Variants in FBP2 observed in about 807,000 individuals in gnomAD.
FBP2 encodes the protein fructose-bisphosphatase 2.
Under a neutral mutation model 31.6 loss-of-function variants are expected in FBP2, and 27 were observed. The observed-to-expected ratio is 0.85, with a 90% CI of 0.63 to 1.18. FBP2 has a LOEUF of 1.18. Among genes scored for constraint, FBP2 ranks in the 50% most tolerant of loss-of-function variants. The pLI, the probability that FBP2 is intolerant of heterozygous loss-of-function variation, is 0.00. For missense variants in FBP2, 421 were observed against 436.1 expected, an observed-to-expected ratio of 0.97 and a Z score of 0.31; for synonymous variants, 168 against 179.8, an observed-to-expected ratio of 0.93 and a Z score of 0.53.
chr9:94,567,135 CCAT>C (rs1827201022), intron 5 of FBP2, 132 bp downstream of exon 5: 11 of 705,108 alleles, frequency 1.6e-5, no homozygotes, highest in South Asian at 1.3e-4. Flanking sequence ...AAGGCAGAGT[CCAT>C]CATCTTCATA....
chr9:94,558,762 A>G lies in FBP2; in HGVS notation c.*176T>C, dbSNP rs1387490611. 12 of 615,756 alleles carry G rather than the reference A, an allele frequency of 1.9e-5. No individual in the cohort carries two copies. Among genetic ancestry groups the G allele is most frequent in the Non-Finnish European group, 3.4e-5 (12 of 351,422 alleles). 38.1% of individuals were successfully genotyped at this position (615,756 alleles called of 1,614,324 possible). On this transcript the variant is annotated 3_prime_UTR_variant, in exon 7 of 7. Transcript: ENST00000375337. ...TTATTTCTAGTCCTTCACATTGACC[A>G]TAGAATCGCCTGTGGCTTCCAAACC...
At chr9:94,590,791 G>A (rs1827489338) in intron 1 of FBP2, among the ~76,000 whole-genome samples, 1 of 152,252 alleles carries the variant, frequency 6.6e-6, no homozygotes, top group Non-Finnish European at 1.5e-5. Context: ...CCCACATCCT[G>A]CTGATTGGTA....
In FBP2 at chr9:94,565,785, TAGATGATA is replaced by T. The variant is rs761469740; in HGVS notation, c.705+1477_705+1484del. On this transcript the variant is annotated intron_variant, in intron 5 of 6. Transcript: ENST00000375337. Reference sequence around the variant, plus strand: ...GATACATAGATGATAGATAGATAGATAGATGATAGATAGGTGAGAGTGAGGGAGGGAGC... The same window carrying T: ...GATACATAGATGATAGATAGATAGATGATAGGTGAGAGTGAGGGAGGGAGC... 5.3e-3 allele frequency among the ~76,000 whole-genome samples: 768 copies of T among 146,154 alleles called. 3 individuals carry two copies. Among genetic ancestry groups the T allele is most frequent in the Non-Finnish European group, 8.1e-3 (545 of 67,216 alleles).
chr9:94,561,246 T>A (rs531138115), intron 6 of FBP2, among the ~76,000 whole-genome samples: 11 of 152,196 alleles, frequency 7.2e-5, no homozygotes, highest in African/African-American at 2.6e-4. Context: ...TGGAGCCAAG[T>A]TACTTTTGTT....
intron 4 of FBP2, chr9:94,570,240 G>A (rs571891412): frequency 6.6e-6 from 1 of 152,296 alleles, no homozygotes; most frequent in East Asian, 1.9e-4. Context: ...CTTTAGAACT[G>A]CTCAGAATGT....
intron 3 of FBP2, chr9:94,577,382 A>G (rs1054769869): frequency 6.6e-6 from 1 of 152,210 alleles, no homozygotes; most frequent in Non-Finnish European, 1.5e-5. Context: ...GACTGGTTAC[A>G]TATTCTGGCC....
chr9:94,572,121 C>CT, intron 3 of FBP2, among the ~76,000 whole-genome samples: 1 of 152,306 alleles, frequency 6.6e-6, no homozygotes, highest in South Asian at 2.1e-4. Flanking sequence ...GCCTTTCTCT[C>CT]TGACTCTGTG....
intron 1 of FBP2, among the ~76,000 whole-genome samples, chr9:94,588,599 G>A (rs369063695): frequency 2.6e-5 from 4 of 152,172 alleles, no homozygotes; most frequent in African/African-American, 9.7e-5. Flanking sequence ...ACTGCAGCCT[G>A]AGCGATGGAG....
At position 94,567,342 on chromosome 9, in the gene FBP2, G is replaced by T; in HGVS notation, c.633C>A (p.Ser211Arg). Residue 211 changes from serine to arginine, a missense_variant, in exon 5 of 7, where the codon AGC becomes AGA. By Grantham distance (110) the Ser-to-Arg change is moderately radical. Transcript: ENST00000375337. ...VKIKKKGKIYSLNEGYAKYFD... is the reference protein window; with the variant it reads ...VKIKKKGKIYRLNEGYAKYFD... ...AATACTTGGCATAGCCCTCATTCAG[G>T]CTGTAAATCTTTCCTTTCTTCTTAA... The T allele has an allele frequency of 1.2e-6, 2 of 1,614,140 alleles. No homozygotes were observed. Among genetic ancestry groups the T allele is most frequent in the Non-Finnish European group, 1.7e-6 (2 of 1,179,978 alleles).
At position 94,579,071 on chromosome 9, in the gene FBP2, G is replaced by GAAAAAAAAAAAAT. The variant is rs1564185245; in HGVS notation, c.426+5505_426+5506insATTTTTTTTTTTT. Among the ~76,000 whole-genome samples, 3 of 87,196 alleles carry GAAAAAAAAAAAAT rather than the reference G, an allele frequency of 3.4e-5. 1 individual carries two copies. The highest frequency in any genetic ancestry group is 1.5e-4 in the African/African-American group (3 of 20,420). The allele number at this position is 87,196 out of a possible 152,430, so 57.2% of individuals were successfully genotyped here. On this transcript the variant is annotated intron_variant, in intron 3 of 6. Transcript: ENST00000375337. Reference sequence around the variant, plus strand: ...CTGTCAAAAAAAAAAAAAAAAAAAGGTTATTTTAAAAGAGAGAATAATTTT... The same window carrying GAAAAAAAAAAAAT: ...CTGTCAAAAAAAAAAAAAAAAAAAGGAAAAAAAAAAAATTTATTTTAAAAGAGAGAATAATTTT...
At chr9:94,591,862 A>G (rs1827507369) in intron 1 of FBP2, among the ~76,000 whole-genome samples, 1 of 152,174 alleles carries the variant, frequency 6.6e-6, no homozygotes, top group African/African-American at 2.4e-5. Flanking sequence ...ACGGTAGGAA[A>G]TGCCAAATTA....
intron 1 of FBP2, among the ~76,000 whole-genome samples, chr9:94,591,441 CG>C (rs1365978036): frequency 6.6e-6 from 1 of 152,212 alleles, no homozygotes; most frequent in African/African-American, 2.4e-5. Context: ...GCTCGGAGTG[CG>C]GGCCCGCCAA....
intron 2 of FBP2, among the ~76,000 whole-genome samples, chr9:94,586,204 G>A (rs996753370): frequency 2.0e-5 from 3 of 152,010 alleles, no homozygotes; most frequent in African/African-American, 4.8e-5. Flanking sequence ...GCGAAACCCC[G>A]TCTCTACTAA....
At chr9:94,563,853 A>C (rs1241917889) in intron 5 of FBP2, among the ~76,000 whole-genome samples, 1 of 152,256 alleles carries the variant, frequency 6.6e-6, no homozygotes, top group East Asian at 1.9e-4. Flanking sequence ...AATTTCAGAC[A>C]AAATAGACTT....
intron 1 of FBP2, among the ~76,000 whole-genome samples, chr9:94,589,443 G>A (rs117623742): frequency 0.077 from 11,785 of 152,200 alleles, 552 homozygotes; most frequent in Middle Eastern, 0.15. Context: ...CCACACTCAC[G>A]GACTGGCTTC....
chr9:94,581,921 C>G (rs1164660008), intron 3 of FBP2, among the ~76,000 whole-genome samples: 1 of 152,152 alleles, frequency 6.6e-6, no homozygotes, highest in Non-Finnish European at 1.5e-5. Context: ...GACCTAAGGC[C>G]ACGCCAGGCA....
In FBP2 at chr9:94,584,430, C is replaced by T. The variant is rs1487516438; in HGVS notation, c.426+147G>A. ...AGTTCTTCTAATGAGGAGCCCCAGG[C>T]AGAGAAAAGTTGGTGGTTTGCCTAC... On this transcript the variant is annotated intron_variant, in intron 3 of 6. Transcript: ENST00000375337. The T allele has an allele frequency of 4.5e-5, 28 of 623,488 alleles. No individual in the cohort carries two copies. In the East Asian group the frequency reaches 7.7e-4, roughly 17 times the overall value. The allele number at this position is 623,488 out of a possible 1,614,324, so 38.6% of individuals were successfully genotyped here.
intron 5 of FBP2, among the ~76,000 whole-genome samples, chr9:94,567,013 G>A (rs1303651110): frequency 1.3e-5 from 2 of 152,096 alleles, no homozygotes; most frequent in Non-Finnish European, 2.9e-5. Flanking sequence ...TTGTAAATGT[G>A]ATCTCTGCCT....
Position 94,563,322 on chromosome 9 carries a change from A to C in FBP2, c.825+20T>G, listed in dbSNP as rs1455647140. On this transcript the variant is annotated intron_variant, in intron 6 of 6. Coordinates refer to ENST00000375337, the MANE Select transcript of FBP2 (RefSeq NM_003837.4). ...CACCTCCCTGACCGGATGCACAGCC[A>C]GTGGACAAGGGAGAATTACCTTGCC... 2 of 1,612,412 alleles carry C rather than the reference A, an allele frequency of 1.2e-6. No individual in the cohort carries two copies. Among genetic ancestry groups the C allele is most frequent in the Non-Finnish European group, 1.7e-6 (2 of 1,179,090 alleles).
Sources: allele counts gnomAD v4.1 joint callset (sites outside exome capture counted in the v4.1 genomes callset), GRCh38; gene constraint gnomAD v4.1.1; transcripts MANE v1.5; gene names NCBI Gene and HGNC (gene_info 2026-07-23, HGNC 2026-07-21).